IPO5: variants seen among roughly 807,000 people sequenced by gnomAD.
IPO5 encodes importin-5.
A neutral mutation model predicts 143.3 loss-of-function variants in IPO5; 18 were observed. That is an observed-to-expected ratio of 0.13 (90% CI 0.09 to 0.19). The LOEUF is 0.19. Ranked by LOEUF, IPO5 falls within the 10% of genes least tolerant of loss-of-function variation. The pLI, the probability that IPO5 is intolerant of heterozygous loss-of-function variation, is 1.00. For missense variants in IPO5, 1,013 were observed against 1,336.9 expected (o/e 0.76, Z 3.78); for synonymous variants, 477 against 465.7 (o/e 1.02, Z -0.31).
At chr13:98,019,959 A>G (rs983677878) in intron 27 of IPO5, 150 bp downstream of exon 27, 19 of 566,794 alleles carry the variant, frequency 3.4e-5, no homozygotes, top group African/African-American at 2.8e-4. Flanking sequence ...TTTATAAATC[A>G]TATTAAGAAA....
chr13:97,974,295 T>G (rs1239386048), intron 3 of IPO5, among the ~76,000 whole-genome samples: 1 of 151,958 alleles, frequency 6.6e-6, no homozygotes, highest in African/African-American at 2.4e-5. Context: ...AATGAGTTGT[T>G]TTTGTCTGAA....
At chr13:97,983,893 GC>G (rs1887079263) in intron 5 of IPO5, among the ~76,000 whole-genome samples, 1 of 134,328 alleles carries the variant, frequency 7.4e-6, no homozygotes, top group South Asian at 2.4e-4. Flanking sequence ...GTACTTCTTT[GC>G]TTTTGTAACC....
chr13:97,979,770 G>C (rs958608843), intron 4 of IPO5: 20 of 407,486 alleles, frequency 4.9e-5, no homozygotes, highest in South Asian at 3.3e-4. Flanking sequence ...GGCCTCAAGT[G>C]ATCCTCCCAT....
intron 21 of IPO5, among the ~76,000 whole-genome samples, chr13:98,013,825 C>T (rs545324162): frequency 6.6e-6 from 1 of 152,174 alleles, no homozygotes; most frequent in Admixed American, 6.5e-5. Flanking sequence ...CAATAGGCAG[C>T]CCTTCACTGC....
Position 98,023,104 on chromosome 13 carries a change from A to G in IPO5, c.*1282A>G, listed in dbSNP as rs1000971714. Reference sequence around the variant, plus strand: ...TGATTTGTATTACTTTATTAAAACTAAATCTGAAATGGAATAGAAAATAGA... The same window carrying G: ...TGATTTGTATTACTTTATTAAAACTGAATCTGAAATGGAATAGAAAATAGA... On this transcript the variant is annotated 3_prime_UTR_variant, in exon 29 of 29. Coordinates refer to ENST00000651721, the MANE Select transcript of IPO5 (RefSeq NM_002271.6). 4.6e-5 allele frequency: 7 copies of G among 152,676 alleles called. No homozygotes were observed. Among genetic ancestry groups the G allele is most frequent in the Admixed American group, 2.6e-4 (4 of 15,286 alleles). 9.5% of individuals were successfully genotyped at this position (152,676 alleles called of 1,614,324 possible).
At chr13:97,992,301 AC>A (rs753739944) in intron 9 of IPO5, among the ~76,000 whole-genome samples, 3 of 152,252 alleles carry the variant, frequency 2.0e-5, no homozygotes, top group Non-Finnish European at 2.9e-5. Flanking sequence ...CTTTAATACC[AC>A]AGTGACCAGA....
At chr13:97,983,600 G>A (rs1887047237) in intron 5 of IPO5, among the ~76,000 whole-genome samples, 1 of 123,888 alleles carries the variant, frequency 8.1e-6, no homozygotes, top group African/African-American at 3.2e-5. Context: ...GAATGCCATT[G>A]AATATCTGTT....
At chr13:98,004,069 AGTTTATTGTCAAAT>A (rs1415095692) in intron 16 of IPO5, among the ~76,000 whole-genome samples, 10 of 152,254 alleles carry the variant, frequency 6.6e-5, no homozygotes, top group Non-Finnish European at 1.0e-4. Context: ...ATTTTAGCCC[AGTTTATTGTCAAAT>A]GTTTATTGTC....
intron 13 of IPO5, chr13:98,001,035 C>G: frequency 4.8e-6 from 1 of 210,522 alleles, no homozygotes; most frequent in South Asian, 7.7e-5. Context: ...GCCCACCTGC[C>G]CTGGAGGGCA....
intron 8 of IPO5, 32 bp downstream of exon 8, chr13:97,990,254 T>C (rs1285891696): frequency 7.1e-7 from 1 of 1,418,260 alleles, no homozygotes; most frequent in Middle Eastern, 1.8e-4. Context: ...AATATAACCA[T>C]CTATTTTAAT....
chr13:97,959,292 C>A (rs1361724264), intron 2 of IPO5, among the ~76,000 whole-genome samples: 1 of 152,148 alleles, frequency 6.6e-6, no homozygotes, highest in Non-Finnish European at 1.5e-5. Flanking sequence ...GGCCTCTCAA[C>A]CCTCTCAGCT....
intron 28 of IPO5, 193 bp downstream of exon 28, chr13:98,021,326 T>G (rs940638242): frequency 2.3e-6 from 1 of 434,556 alleles, no homozygotes; most frequent in African/African-American, 2.0e-5. Flanking sequence ...TTATTAGAAT[T>G]AAAACCTTCA....
intron 2 of IPO5, among the ~76,000 whole-genome samples, chr13:97,959,430 C>A (rs780891641): frequency 1.3e-5 from 2 of 151,654 alleles, no homozygotes; most frequent in Non-Finnish European, 2.9e-5. Flanking sequence ...TTGTCACCTC[C>A]TCTCAAAAGA....
chr13:98,005,832 C>A (rs754308921), intron 16 of IPO5, among the ~76,000 whole-genome samples: 2 of 151,904 alleles, frequency 1.3e-5, no homozygotes, highest in African/African-American at 4.8e-5. Context: ...AGTTGATGAA[C>A]ACAAAAATTT....
At chr13:97,955,100 G>A (rs1392387294) in intron 2 of IPO5, among the ~76,000 whole-genome samples, 1 of 151,960 alleles carries the variant, frequency 6.6e-6, no homozygotes, top group Non-Finnish European at 1.5e-5. Context: ...ATGGCAGAAT[G>A]CATCTGTAAT....
chr13:98,000,539 C>T lies in IPO5; in HGVS notation c.1002C>T (p.Ser334=). 6.2e-7 allele frequency: 1 copy of T among 1,605,364 alleles called. No individual in the cohort carries two copies. Among genetic ancestry groups the T allele is most frequent in the Non-Finnish European group, 8.5e-7 (1 of 1,172,178 alleles). ...TACATAATTCTGTTTATGTGTTTAG[C>T]AATGCAGTTGCAGGCGAGAGTGCTC... The part of the protein sequence containing the change: ...ADELEDDDFD[S]NAVAGESALD... Residue 334 remains serine, a splice_region_variant and synonymous_variant, in exon 13 of 29, where the codon AGC becomes AGT. Coordinates refer to ENST00000651721, the MANE Select transcript of IPO5 (RefSeq NM_002271.6).
intron 12 of IPO5, among the ~76,000 whole-genome samples, chr13:97,999,902 T>C (rs776103344): frequency 5.9e-5 from 9 of 152,244 alleles, no homozygotes; most frequent in Non-Finnish European, 1.2e-4. Flanking sequence ...TGAGGCTCTT[T>C]CAATACTGCT....
At chr13:97,978,738 GTC>G (rs1886600161) in intron 4 of IPO5, among the ~76,000 whole-genome samples, 1 of 152,288 alleles carries the variant, frequency 6.6e-6, no homozygotes, top group Non-Finnish European at 1.5e-5. Context: ...AGTTGCTTAA[GTC>G]TCTATTGTCA....
In IPO5 at chr13:97,989,046, A is replaced by G. The variant is rs950652983; in HGVS notation, c.365-16A>G. 2 of 1,497,110 alleles carry G rather than the reference A, an allele frequency of 1.3e-6. No homozygotes were observed. Among genetic ancestry groups the G allele is most frequent in the Middle Eastern group, 1.7e-4 (1 of 5,860 alleles). The allele number at this position is 1,497,110 out of a possible 1,614,324, so 92.7% of individuals were successfully genotyped here. On this transcript the variant is annotated splice_polypyrimidine_tract_variant and intron_variant, in intron 6 of 28. Transcript: ENST00000651721. Reference sequence around the variant, plus strand: ...CTGACTTACACAACTTTATGTCTGGATTTCTTTACTTTCAGATGAGGATGG... The same window carrying G: ...CTGACTTACACAACTTTATGTCTGGGTTTCTTTACTTTCAGATGAGGATGG...
Sources: allele counts gnomAD v4.1 joint callset (sites outside exome capture counted in the v4.1 genomes callset), GRCh38; gene constraint gnomAD v4.1.1; transcripts MANE v1.5; gene names NCBI Gene and HGNC (gene_info 2026-07-23, HGNC 2026-07-21).